The following ATP8A1 variants were observed in gnomAD, a reference collection of about 807,000 sequenced individuals.
ATP8A1 encodes the protein ATPase phospholipid transporting 8A1.
A neutral mutation model predicts 177.7 loss-of-function variants in ATP8A1; 90 were observed. The ratio of observed to expected loss-of-function variants is 0.51; its 90% CI spans 0.43 to 0.60. The LOEUF (loss-of-function observed/expected upper bound fraction) is 0.60, where lower values mean the gene tolerates loss of function less well. ATP8A1 is among the 20% of genes least tolerant of loss of function. The pLI, the probability that ATP8A1 is intolerant of heterozygous loss-of-function variation, is 0.00. For missense variants in ATP8A1, 1,072 were observed against 1,392.8 expected, an observed-to-expected ratio of 0.77 and a Z score of 3.67; for synonymous variants, 493 against 485.9, an observed-to-expected ratio of 1.01 and a Z score of -0.19.
chr4:42,648,417 T>C (rs965500268), intron 1 of ATP8A1, among the ~76,000 whole-genome samples: 13 of 151,964 alleles, frequency 8.6e-5, no homozygotes, highest in African/African-American at 2.9e-4. Context: ...AACTCAAATA[T>C]ATACATACGG....
At chr4:42,542,484 C>A (rs550496118) in intron 20 of ATP8A1, among the ~76,000 whole-genome samples, 1 of 151,952 alleles carries the variant, frequency 6.6e-6, no homozygotes, top group Non-Finnish European at 1.5e-5. Context: ...AGGGTACCTG[C>A]GCACAATGTG....
chr4:42,596,666 C>CAAAAAAAAA (rs71648737), intron 6 of ATP8A1, among the ~76,000 whole-genome samples: 5 of 74,022 alleles, frequency 6.8e-5, no homozygotes, highest in South Asian at 4.8e-4. Flanking sequence ...GACTCCATCT[C>CAAAAAAAAA]AAAAAAAAAA....
chr4:42,614,293 A>G (rs1204534117), intron 5 of ATP8A1, among the ~76,000 whole-genome samples: 1 of 152,222 alleles, frequency 6.6e-6, no homozygotes, highest in Admixed American at 6.5e-5. Flanking sequence ...CCAAGGCTTG[A>G]AAATCAATAA....
At chr4:42,586,950 A>G (rs547301168) in intron 8 of ATP8A1, among the ~76,000 whole-genome samples, 1 of 152,302 alleles carries the variant, frequency 6.6e-6, no homozygotes, top group South Asian at 2.1e-4. Context: ...GCTGTCACTG[A>G]GCAGGGCCCC....
chr4:42,487,986 C>G (rs1045291909), intron 24 of ATP8A1, among the ~76,000 whole-genome samples: 1 of 152,118 alleles, frequency 6.6e-6, no homozygotes, highest in Non-Finnish European at 1.5e-5. Flanking sequence ...AATTTACAAG[C>G]CTCACCCTCC....
chr4:42,541,625 A>G (rs1423997063), intron 20 of ATP8A1, among the ~76,000 whole-genome samples: 4 of 152,330 alleles, frequency 2.6e-5, no homozygotes, highest in South Asian at 2.1e-4. Flanking sequence ...AGAGACCAAG[A>G]TGTCCTTCAG....
chr4:42,463,802 C>T (rs1363738988), intron 27 of ATP8A1, among the ~76,000 whole-genome samples: 1 of 152,152 alleles, frequency 6.6e-6, no homozygotes. Flanking sequence ...ACAAATTTTT[C>T]ATCATCTGAA....
At position 42,414,762 on chromosome 4, in the gene ATP8A1, C is replaced by T. The variant is rs377721910; in HGVS notation, c.3306-44G>A. 10 of 1,466,520 alleles carry T rather than the reference C, an allele frequency of 6.8e-6. No individual in the cohort carries two copies. The African/African-American group carries it at 1.3e-4, about 18-fold the overall frequency. The allele number at this position is 1,466,520 out of a possible 1,614,324, so 90.8% of individuals were successfully genotyped here. A position where few individuals can be genotyped will look rare whatever the true frequency, so the allele number is the denominator to read the frequency against. On this transcript the variant is annotated intron_variant, in intron 35 of 36. Transcript: ENST00000381668. ...TGTGTGAAATGAATTATCAACTCGG[C>T]AGAGACCCCAGTGTGCCCACAGGAC...
intron 6 of ATP8A1, among the ~76,000 whole-genome samples, chr4:42,599,248 G>A (rs1735014885): frequency 6.6e-6 from 1 of 152,100 alleles, no homozygotes; most frequent in African/African-American, 2.4e-5. Context: ...ACAACCCTAG[G>A]TAAAATAATA....
At chr4:42,422,923 T>C in intron 34 of ATP8A1, 24 bp from the exon 35 acceptor site, 2 of 1,569,078 alleles carry the variant, frequency 1.3e-6, no homozygotes, top group South Asian at 1.1e-5. Flanking sequence ...AAAAAAGGGA[T>C]TTGCATGGAA....
intron 24 of ATP8A1, among the ~76,000 whole-genome samples, chr4:42,487,768 G>A (rs777147254): frequency 2.6e-5 from 4 of 152,050 alleles, no homozygotes; most frequent in Non-Finnish European, 1.5e-5. Context: ...ACTATGTTCT[G>A]GAATATCAGA....
chr4:42,432,621 G>C (rs777632179), intron 33 of ATP8A1, among the ~76,000 whole-genome samples: 2 of 152,158 alleles, frequency 1.3e-5, no homozygotes, highest in Admixed American at 1.3e-4. Flanking sequence ...TGGGTGGTAC[G>C]CAAGCATCCC....
intron 1 of ATP8A1, among the ~76,000 whole-genome samples, chr4:42,650,043 A>G (rs1740932137): frequency 1.3e-5 from 2 of 152,316 alleles, no homozygotes; most frequent in East Asian, 3.9e-4. Context: ...TGACATTCCA[A>G]TGAAACCATG....
chr4:42,577,910 T>C (rs1283686462), intron 12 of ATP8A1, among the ~76,000 whole-genome samples: 2 of 152,174 alleles, frequency 1.3e-5, no homozygotes, highest in African/African-American at 2.4e-5. Flanking sequence ...ATCCCTATGA[T>C]TGTGTTCAAG....
intron 33 of ATP8A1, among the ~76,000 whole-genome samples, chr4:42,425,226 G>C (rs189036611): frequency 2.6e-5 from 4 of 152,040 alleles, no homozygotes; most frequent in Non-Finnish European, 4.4e-5. Flanking sequence ...ATTTGGTTGG[G>C]GGGGGGCAAG....
At chr4:42,428,597 T>TTCA (rs1390407291) in intron 33 of ATP8A1, among the ~76,000 whole-genome samples, 1 of 152,226 alleles carries the variant, frequency 6.6e-6, no homozygotes, top group African/African-American at 2.4e-5. Context: ...CTTCTAGCTG[T>TTCA]TCACACTGCA....
intron 24 of ATP8A1, among the ~76,000 whole-genome samples, chr4:42,502,419 T>C (rs1578062043): frequency 6.6e-6 from 1 of 152,180 alleles, no homozygotes; most frequent in Admixed American, 6.5e-5. Flanking sequence ...GCTTGATACT[T>C]AAAACATTTA....
At chr4:42,445,972 C>T (rs2153175400) in intron 31 of ATP8A1, among the ~76,000 whole-genome samples, 1 of 150,030 alleles carries the variant, frequency 6.7e-6, no homozygotes, top group South Asian at 2.1e-4. Context: ...TCCAGCTACT[C>T]AGGAGGCTGA....
rs201503015 is a variant in ATP8A1 at position 42,627,054 on chromosome 4, T to C, written c.105A>G (p.Glu35=). The C allele has an allele frequency of 1.5e-4, 240 of 1,614,152 alleles. No individual in the cohort carries two copies. Among genetic ancestry groups the C allele is most frequent in the Non-Finnish European group, 4.2e-6 (5 of 1,179,986 alleles). ...GCTGGTTGATGAAAATAGTCCTTAC[T>C]TCCTCCTGGTCAGCCAGTGAGGTCT... The part of the protein sequence containing the change: ...SEKTSLADQE[E]VRTIFINQPQ... Residue 35 remains glutamate, a synonymous_variant, in exon 2 of 37, where the codon GAA becomes GAG. Coordinates refer to ENST00000381668, the MANE Select transcript of ATP8A1 (RefSeq NM_006095.2).
Sources: gnomAD v4.1 joint callset for allele counts (sites outside exome capture counted in the v4.1 genomes callset) on GRCh38, gnomAD v4.1.1 for gene constraint, MANE v1.5 for transcripts, NCBI Gene and HGNC (gene_info 2026-07-23, HGNC 2026-07-21) for gene names.